Variants in FRMD4B observed in about 807,000 individuals in gnomAD.
The protein encoded by FRMD4B is FERM domain-containing protein 4B.
A neutral mutation model predicts 141.5 loss-of-function variants in FRMD4B; 74 were observed. The observed-to-expected ratio is 0.52, with a 90% CI of 0.43 to 0.63. The LOEUF (loss-of-function observed/expected upper bound fraction) is 0.63, where lower values mean the gene tolerates loss of function less well. Among genes scored for constraint, FRMD4B ranks in the 30% least tolerant of loss-of-function variants. The probability of loss-of-function intolerance (pLI) is 0.00; values close to 1 mark genes in which losing one functional copy is unlikely to be tolerated. For synonymous variants in FRMD4B, 506 were observed against 467.9 expected (o/e 1.08, Z -1.05); for missense variants, 1,366 against 1,253.4 (o/e 1.09, Z -1.36).
chr3:69,415,264 C>A (rs1446963737), intron 2 of FRMD4B, among the ~76,000 whole-genome samples: 1 of 152,164 alleles, frequency 6.6e-6, no homozygotes, highest in Non-Finnish European at 1.5e-5. Context: ...GTGAATCCAT[C>A]AAATGGAGAT....
At chr3:69,492,066 A>C (rs1689468024) in intron 1 of FRMD4B, among the ~76,000 whole-genome samples, 1 of 152,224 alleles carries the variant, frequency 6.6e-6, no homozygotes, top group Non-Finnish European at 1.5e-5. Flanking sequence ...TTAGCCTTGC[A>C]ATTACATCCT....
intron 4 of FRMD4B, chr3:69,292,825 T>TTTC (rs1700916420): frequency 4.9e-6 from 1 of 204,282 alleles, no homozygotes; most frequent in Non-Finnish European, 1.0e-5. Flanking sequence ...CTTTTTTTTT[T>TTTC]TTTTTTTGCA....
chr3:69,485,214 G>A (rs1284743417), intron 1 of FRMD4B, among the ~76,000 whole-genome samples: 1 of 152,232 alleles, frequency 6.6e-6, no homozygotes, highest in Non-Finnish European at 1.5e-5. Context: ...GACAGTGGCT[G>A]GGCTTGGCCC....
chr3:69,504,297 T>C (rs1398344803), intron 1 of FRMD4B, among the ~76,000 whole-genome samples: 2 of 152,214 alleles, frequency 1.3e-5, no homozygotes, highest in African/African-American at 4.8e-5. Context: ...CCGGGATGAA[T>C]ACTTTTTTTA....
intron 11 of FRMD4B, among the ~76,000 whole-genome samples, chr3:69,203,369 A>G (rs1205875954): frequency 1.3e-5 from 2 of 151,512 alleles, no homozygotes; most frequent in South Asian, 4.2e-4. Flanking sequence ...AAAATACTAT[A>G]AGGAAAAGCA....
chr3:69,541,370 G>C (rs1229950457), intron 1 of FRMD4B: 2 of 152,220 alleles, frequency 1.3e-5, no homozygotes, highest in Non-Finnish European at 2.9e-5. Flanking sequence ...CCACCCAGGA[G>C]CGCCCAGCCC....
At chr3:69,310,947 C>T (rs150548456) in intron 3 of FRMD4B, among the ~76,000 whole-genome samples, 2 of 152,186 alleles carry the variant, frequency 1.3e-5, no homozygotes, top group African/African-American at 4.8e-5. Context: ...AATATTTCTA[C>T]CATATAAGCT....
At chr3:69,439,967 A>G (rs750572166) in intron 1 of FRMD4B, among the ~76,000 whole-genome samples, 32 of 152,120 alleles carry the variant, frequency 2.1e-4, no homozygotes, top group Non-Finnish European at 4.0e-4. Context: ...AGTTCATTAG[A>G]GATTCTGGAA....
At chr3:69,216,238 T>G in intron 11 of FRMD4B, 25 bp downstream of exon 11, 1 of 1,181,004 alleles carries the variant, frequency 8.5e-7, no homozygotes. Flanking sequence ...CAGTTCAAAG[T>G]TCTCCTAAAG....
At position 69,250,056 on chromosome 3, in the gene FRMD4B, G is replaced by C; in HGVS notation, c.545C>G (p.Ala182Gly). 6.2e-7 allele frequency: 1 copy of C among 1,608,966 alleles called. No homozygotes were observed. The highest frequency in any genetic ancestry group is 8.5e-7 in the Non-Finnish European group (1 of 1,175,340). The change falls in exon 6 of 23, where the codon GCG (alanine) becomes GGG (glycine). Residue 182 changes from alanine to glycine, a missense_variant. Physicochemically the swap from Ala to Gly is moderately conservative, Grantham distance 60. Coordinates refer to ENST00000398540, the MANE Select transcript of FRMD4B (RefSeq NM_015123.3). ...VESETIFKLA[A>G]FILQEAKGDY... ...GTCCAATCTTACCTGTAAAATAAAC[G>C]CTGCTAACTTGAAGATGGTTTCGCT...
At position 69,171,932 on chromosome 3, in the gene FRMD4B, C is replaced by T. The variant is rs1332041068; in HGVS notation, c.3034G>A (p.Glu1012Lys). The T allele has an allele frequency of 6.2e-7, 1 of 1,612,840 alleles. No individual in the cohort carries two copies. Among genetic ancestry groups the T allele is most frequent in the Non-Finnish European group, 8.5e-7 (1 of 1,178,856 alleles). ...QLDGTDGNQLEDNLESSEQRL... is the reference protein window; with the variant it reads ...QLDGTDGNQLKDNLESSEQRL... ...TGCTCACTACTCTCCAGGTTGTCTT[C>T]CAGCTGGTTTCCATCTGTACCATCC... Residue 1012 changes from glutamate (E) to lysine (K), a missense_variant, in exon 23 of 23, where the codon GAA (glutamate) becomes AAA (lysine). Coordinates refer to ENST00000398540, the MANE Select transcript of FRMD4B (RefSeq NM_015123.3).
Position 69,181,153 on chromosome 3 carries a change from G to T in FRMD4B, c.2597C>A (p.Pro866His), listed in dbSNP as rs924344210. Residue 866 changes from proline (P) to histidine (H), a missense_variant, in exon 21 of 23, where the codon CCC becomes CAC. Pro to His is a moderately conservative substitution (Grantham distance 77). Coordinates refer to ENST00000398540, the MANE Select transcript of FRMD4B (RefSeq NM_015123.3). ...CCGGAGAGTTGCATATGGGTTATGG[G>T]GTACCCGGTCGACCTCATCTTCGTG... ...SFHEDEVDRVPHNPYATLRLP... is the reference protein window; with the variant it reads ...SFHEDEVDRVHHNPYATLRLP... 1 of 1,613,976 alleles carries T rather than the reference G, an allele frequency of 6.2e-7. No homozygotes were observed. The highest frequency in any genetic ancestry group is 1.7e-5 in the Admixed American group (1 of 60,016).
chr3:69,304,763 CT>C (rs1559792448), intron 3 of FRMD4B, among the ~76,000 whole-genome samples: 1 of 152,114 alleles, frequency 6.6e-6, no homozygotes, highest in African/African-American at 2.4e-5. Context: ...CATAGACCCT[CT>C]TTTACTTGCT....
intron 11 of FRMD4B, among the ~76,000 whole-genome samples, chr3:69,210,018 CT>C (rs910952233): frequency 1.3e-5 from 2 of 152,172 alleles, no homozygotes; most frequent in African/African-American, 4.8e-5. Flanking sequence ...AACAGGAAGA[CT>C]TTTGTGCTTG....
chr3:69,331,649 C>T (rs920674985), intron 1 of FRMD4B, among the ~76,000 whole-genome samples: 3 of 152,096 alleles, frequency 2.0e-5, no homozygotes, highest in Admixed American at 6.6e-5. Context: ...GTTTTCTTGT[C>T]TGAAAATGGA....
intron 4 of FRMD4B, among the ~76,000 whole-genome samples, chr3:69,297,434 T>G (rs1701068550): frequency 6.6e-6 from 1 of 151,652 alleles, no homozygotes; most frequent in African/African-American, 2.4e-5. Context: ...CAAAAGTGAC[T>G]TGGAAAGAGG....
intron 1 of FRMD4B, among the ~76,000 whole-genome samples, chr3:69,517,609 T>C (rs1175269183): frequency 1.3e-5 from 2 of 152,172 alleles, no homozygotes; most frequent in Admixed American, 1.3e-4. Context: ...AACGGATTAA[T>C]GCACAGTGAC....
rs766205750 is a variant in FRMD4B at position 69,181,567 on chromosome 3, T to A, written c.2183A>T (p.Asp728Val). 3.7e-6 allele frequency: 6 copies of A among 1,613,784 alleles called. No individual in the cohort carries two copies. Among genetic ancestry groups the A allele is most frequent in the Non-Finnish European group, 5.1e-6 (6 of 1,179,854 alleles). Reference protein sequence around the residue: ...QRSSSTEILDDGSSYTSQSST... With the variant: ...QRSSSTEILDVGSSYTSQSST... ...TGATTGGCTTGTATAAGAAGACCCG[T>A]CATCGAGGATTTCTGTGCTGCTGCT... The change falls in exon 21 of 23, where the codon GAC becomes GTC. Residue 728 changes from aspartate (D) to valine (V), a missense_variant. Transcript: ENST00000398540.
intron 5 of FRMD4B, among the ~76,000 whole-genome samples, chr3:69,277,423 G>A (rs2093622760): frequency 6.6e-6 from 1 of 151,320 alleles, no homozygotes; most frequent in African/African-American, 2.4e-5. Context: ...CTAATATAGA[G>A]CAACACCCAG....
Sources: allele counts gnomAD v4.1 joint callset (sites outside exome capture counted in the v4.1 genomes callset), GRCh38; gene constraint gnomAD v4.1.1; transcripts MANE v1.5; gene names NCBI Gene and HGNC (gene_info 2026-07-23, HGNC 2026-07-21).